The following ATXN7L1 variants were observed in gnomAD, a reference collection of about 807,000 sequenced individuals.
ATXN7L1 encodes ataxin-7-like protein 1.
Under a neutral mutation model 70.8 loss-of-function variants are expected in ATXN7L1, and 15 were observed. The ratio of observed to expected loss-of-function variants is 0.21; its 90% CI spans 0.14 to 0.33. The LOEUF (loss-of-function observed/expected upper bound fraction) is 0.33, where lower values mean the gene tolerates loss of function less well. Ranked by LOEUF, ATXN7L1 falls within the 10% of genes least tolerant of loss-of-function variation. ATXN7L1 has a pLI of 1.00. For synonymous variants in ATXN7L1, 440 were observed against 445.1 expected, an observed-to-expected ratio of 0.99 and a Z score of 0.14; for missense variants, 975 against 1,097.1, an observed-to-expected ratio of 0.89 and a Z score of 1.57.
intron 3 of ATXN7L1, among the ~76,000 whole-genome samples, chr7:105,762,882 C>T (rs758545885): frequency 1.3e-5 from 2 of 152,210 alleles, no homozygotes; most frequent in African/African-American, 2.4e-5. Flanking sequence ...GGGAAGTCAA[C>T]TGCTATGCTG....
chr7:105,723,425 C>T (rs1795430997), intron 3 of ATXN7L1, among the ~76,000 whole-genome samples: 1 of 152,120 alleles, frequency 6.6e-6, no homozygotes, highest in Non-Finnish European at 1.5e-5. Flanking sequence ...CAACAGATAG[C>T]AGCTGTTATT....
chr7:105,814,862 T>C (rs886863390), intron 2 of ATXN7L1, among the ~76,000 whole-genome samples: 14 of 152,250 alleles, frequency 9.2e-5, no homozygotes, highest in Admixed American at 2.6e-4. Flanking sequence ...ATGTTCTGAA[T>C]GGCTTCCTCC....
At chr7:105,651,616 G>A (rs751416328) in intron 4 of ATXN7L1, among the ~76,000 whole-genome samples, 8 of 152,332 alleles carry the variant, frequency 5.3e-5, no homozygotes, top group Non-Finnish European at 1.0e-4. Context: ...AAGAAAAGCA[G>A]AACGAGGTGG....
chr7:105,867,214 A>C (rs989783470), intron 2 of ATXN7L1, among the ~76,000 whole-genome samples: 4 of 152,144 alleles, frequency 2.6e-5, no homozygotes, highest in African/African-American at 9.7e-5. Context: ...GTACCTTCCC[A>C]GGCTTAACAT....
intron 2 of ATXN7L1, among the ~76,000 whole-genome samples, chr7:105,790,393 C>T (rs563946852): frequency 1.6e-4 from 24 of 152,042 alleles, no homozygotes; most frequent in African/African-American, 3.4e-4. Context: ...GCCTGGAAAA[C>T]GAAGTGAGAC....
At chr7:105,802,881 A>G (rs1212859870) in intron 2 of ATXN7L1, among the ~76,000 whole-genome samples, 1 of 152,198 alleles carries the variant, frequency 6.6e-6, no homozygotes, top group Non-Finnish European at 1.5e-5. Context: ...TTTCTGATTC[A>G]GAGGCATGAC....
chr7:105,752,969 A>G (rs1799381994), intron 3 of ATXN7L1, among the ~76,000 whole-genome samples: 1 of 152,258 alleles, frequency 6.6e-6, no homozygotes, highest in South Asian at 2.1e-4. Context: ...TTGAAGACTC[A>G]GAAGTTTTCA....
chr7:105,817,868 T>A (rs1809429238), intron 2 of ATXN7L1, among the ~76,000 whole-genome samples: 1 of 152,170 alleles, frequency 6.6e-6, no homozygotes, highest in Non-Finnish European at 1.5e-5. Context: ...CAGGTTACGG[T>A]GAGTTATCAC....
At chr7:105,764,823 A>G (rs1801032222) in intron 3 of ATXN7L1, among the ~76,000 whole-genome samples, 1 of 152,146 alleles carries the variant, frequency 6.6e-6, no homozygotes, top group African/African-American at 2.4e-5. Flanking sequence ...CATACTCTCA[A>G]AATAGTAACC....
chr7:105,861,281 AACAAACTGAT>A (rs1816597857), intron 2 of ATXN7L1, among the ~76,000 whole-genome samples: 1 of 152,202 alleles, frequency 6.6e-6, no homozygotes, highest in African/African-American at 2.4e-5. Flanking sequence ...TCACTTGAGG[AACAAACTGAT>A]ACATGTGAAT....
rs374670175 is a variant in ATXN7L1 at position 105,624,517 on chromosome 7, G to A, written c.1203-250C>T. ...TACAAAAAATTAGCTGGGCATGGTG[G>A]CGCGTGCCTGTAGTCCCAGCTACTC... On this transcript the variant is annotated intron_variant, in intron 7 of 11. Coordinates refer to ENST00000419735, the MANE Select transcript of ATXN7L1 (RefSeq NM_020725.2). Among the ~76,000 whole-genome samples, 92 of 152,252 alleles carry A rather than the reference G, an allele frequency of 6.0e-4. 1 individual carries two copies. The highest frequency in any genetic ancestry group is 2.0e-3 in the African/African-American group (83 of 41,564).
At chr7:105,845,538 AT>A (rs1400549551) in intron 2 of ATXN7L1, among the ~76,000 whole-genome samples, 2 of 144,114 alleles carry the variant, frequency 1.4e-5, no homozygotes, top group Non-Finnish European at 3.1e-5. Flanking sequence ...TTTTGAAGAA[AT>A]TGACAAAGTA....
chr7:105,709,247 T>G (rs76794054), intron 3 of ATXN7L1, among the ~76,000 whole-genome samples: 6 of 152,006 alleles, frequency 3.9e-5, no homozygotes, highest in Non-Finnish European at 7.4e-5. Flanking sequence ...GGCAGGAGAA[T>G]TGCTTGAACC....
intron 3 of ATXN7L1, among the ~76,000 whole-genome samples, chr7:105,734,717 T>A (rs1797190591): frequency 6.6e-6 from 1 of 151,970 alleles, no homozygotes; most frequent in South Asian, 2.1e-4. Context: ...GATTCCTGAA[T>A]GTTGACATGT....
chr7:105,634,455 A>AC (rs59290785), intron 7 of ATXN7L1, among the ~76,000 whole-genome samples: 2 of 152,168 alleles, frequency 1.3e-5, no homozygotes, highest in Non-Finnish European at 2.9e-5. Flanking sequence ...CAGGCATGAA[A>AC]GTACATTTCT....
At chr7:105,788,015 T>C (rs1804569027) in intron 3 of ATXN7L1, 1 of 153,020 alleles carries the variant, frequency 6.5e-6, no homozygotes, top group Non-Finnish European at 1.5e-5. Flanking sequence ...CCATGGTTTG[T>C]TGATGACCAA....
At chr7:105,624,558 G>A (rs1795401448) in intron 7 of ATXN7L1, among the ~76,000 whole-genome samples, 1 of 151,152 alleles carries the variant, frequency 6.6e-6, no homozygotes, top group South Asian at 2.1e-4. Flanking sequence ...GCTGAGGCAG[G>A]GGAATTGCTT....
At chr7:105,837,543 T>C (rs1311722780) in intron 2 of ATXN7L1, among the ~76,000 whole-genome samples, 1 of 151,712 alleles carries the variant, frequency 6.6e-6, no homozygotes, top group Non-Finnish European at 1.5e-5. Context: ...AAGGGGTGCA[T>C]GGGACCATGA....
intron 2 of ATXN7L1, among the ~76,000 whole-genome samples, chr7:105,822,931 A>T (rs1459329271): frequency 1.3e-5 from 2 of 152,202 alleles, no homozygotes; most frequent in Admixed American, 1.3e-4. Context: ...GTATTAGACT[A>T]GTATGCGCAT....
Sources: allele counts gnomAD v4.1 joint callset (sites outside exome capture counted in the v4.1 genomes callset), GRCh38; gene constraint gnomAD v4.1.1; transcripts MANE v1.5; gene names NCBI Gene and HGNC (gene_info 2026-07-23, HGNC 2026-07-21).